FBXO25: variants seen among roughly 807,000 people sequenced by gnomAD.
FBXO25 encodes F-box only protein 25.
In FBXO25, 45 loss-of-function variants were observed where a neutral mutation model predicts 51.9. The observed-to-expected ratio is 0.87, with a 90% CI of 0.68 to 1.11. The LOEUF (loss-of-function observed/expected upper bound fraction) is 1.11. FBXO25 is among the 50% of genes most tolerant of loss of function. The pLI is 0.00. For missense variants in FBXO25, 507 were observed against 428.5 expected, an observed-to-expected ratio of 1.18 and a Z score of -1.62; for synonymous variants, 199 against 151.0, an observed-to-expected ratio of 1.32 and a Z score of -2.33.
At chr8:410,589 C>T (rs1244607994) in intron 1 of FBXO25, among the ~76,000 whole-genome samples, 1 of 152,132 alleles carries the variant, frequency 6.6e-6, no homozygotes, top group East Asian at 1.9e-4. Flanking sequence ...ATGGTCTTTG[C>T]TGCCTTTGGT....
intron 1 of FBXO25, among the ~76,000 whole-genome samples, chr8:409,626 G>C (rs920494246): frequency 6.6e-6 from 1 of 152,122 alleles, no homozygotes. Flanking sequence ...AAATAGGTAA[G>C]TACAATATTT....
chr8:416,440 A>T (rs188503351), intron 2 of FBXO25, among the ~76,000 whole-genome samples: 1 of 152,254 alleles, frequency 6.6e-6, no homozygotes, highest in Non-Finnish European at 1.5e-5. Context: ...CACCTGAGAT[A>T]TTCCGAACAG....
chr8:454,752 G>A (rs1011403390), intron 7 of FBXO25, among the ~76,000 whole-genome samples: 19 of 152,054 alleles, frequency 1.2e-4, no homozygotes, highest in Middle Eastern at 3.4e-3. Flanking sequence ...TTAGCCGGGC[G>A]TGGTGGGACG....
intron 5 of FBXO25, among the ~76,000 whole-genome samples, chr8:439,122 G>C (rs961786168): frequency 2.0e-5 from 3 of 152,258 alleles, no homozygotes; most frequent in African/African-American, 7.2e-5. Context: ...AAGCTGTCTG[G>C]AGGAAGTAGA....
chr8:465,765 G>A (rs1262751402), intron 9 of FBXO25, among the ~76,000 whole-genome samples: 3 of 152,318 alleles, frequency 2.0e-5, no homozygotes, highest in East Asian at 3.9e-4. Flanking sequence ...CTGCTCAAAA[G>A]TTTGGGATTT....
intron 9 of FBXO25, among the ~76,000 whole-genome samples, chr8:464,293 A>G (rs1053978568): frequency 3.3e-5 from 5 of 151,790 alleles, no homozygotes; most frequent in African/African-American, 4.8e-5. Flanking sequence ...ATATTATTTC[A>G]CCCTGGAGTG....
chr8:423,505 C>T (rs924222855), intron 2 of FBXO25, among the ~76,000 whole-genome samples: 1 of 151,994 alleles, frequency 6.6e-6, no homozygotes, highest in Non-Finnish European at 1.5e-5. Context: ...TCCATGTGTG[C>T]TCAGTGTTTA....
At chr8:443,061 T>C (rs1235828533) in intron 5 of FBXO25, among the ~76,000 whole-genome samples, 1 of 151,820 alleles carries the variant, frequency 6.6e-6, no homozygotes, top group East Asian at 1.9e-4. Flanking sequence ...CCATTTCCAT[T>C]GAAGGAAGTG....
At chr8:434,841 GA>G (rs1208779968) in intron 4 of FBXO25, among the ~76,000 whole-genome samples, 9 of 152,194 alleles carry the variant, frequency 5.9e-5, no homozygotes, top group African/African-American at 2.2e-4. Context: ...ACATCTAAGA[GA>G]ATAGCAGCAG....
chr8:436,093 T>A (rs1474676983), intron 5 of FBXO25, among the ~76,000 whole-genome samples: 5 of 152,232 alleles, frequency 3.3e-5, no homozygotes, highest in Admixed American at 2.6e-4. Context: ...TCACAAGGAA[T>A]GAGGCTTGTG....
intron 2 of FBXO25, among the ~76,000 whole-genome samples, chr8:420,962 A>G (rs1002832588): frequency 6.6e-6 from 1 of 152,232 alleles, no homozygotes; most frequent in Non-Finnish European, 1.5e-5. Context: ...ACAAACTGTG[A>G]CAGATGAATC....
intron 5 of FBXO25, among the ~76,000 whole-genome samples, chr8:448,672 G>C (rs1407847631): frequency 6.6e-6 from 1 of 152,234 alleles, no homozygotes; most frequent in Non-Finnish European, 1.5e-5. Context: ...AGCAGAGTGT[G>C]AGTGGAGGGC....
chr8:455,725 C>T (rs1799379181), intron 7 of FBXO25, among the ~76,000 whole-genome samples: 1 of 152,214 alleles, frequency 6.6e-6, no homozygotes, highest in South Asian at 2.1e-4. Flanking sequence ...ATCGTTTCTT[C>T]CTTCCAGTGC....
intron 5 of FBXO25, among the ~76,000 whole-genome samples, chr8:437,836 T>C (rs1178906339): frequency 2.0e-5 from 3 of 152,230 alleles, no homozygotes; most frequent in African/African-American, 4.8e-5. Flanking sequence ...TGGCAACACT[T>C]ACTACAACAA....
intron 5 of FBXO25, among the ~76,000 whole-genome samples, chr8:444,188 G>C (rs1472541315): frequency 1.3e-5 from 2 of 152,208 alleles, no homozygotes; most frequent in Non-Finnish European, 2.9e-5. Context: ...GGAACCCAAA[G>C]GCGAAGATTG....
At chr8:467,151 G>A (rs1189172490) in intron 9 of FBXO25, among the ~76,000 whole-genome samples, 3 of 152,130 alleles carry the variant, frequency 2.0e-5, no homozygotes, top group Non-Finnish European at 4.4e-5. Context: ...CTGAACCAGC[G>A]GGGGAGAACA....
intron 1 of FBXO25, chr8:407,447 G>A: frequency 2.0e-6 from 2 of 984,144 alleles, no homozygotes; most frequent in Non-Finnish European, 2.4e-6. Flanking sequence ...GGGTGTGGAG[G>A]GTTCATTCAG....
rs893979128 is a variant in FBXO25 at position 472,407 on chromosome 8, T to C, written c.*3603T>C. The C allele has an allele frequency of 1.3e-5, 2 of 152,254 alleles. No individual in the cohort carries two copies. The allele number at this position is 152,254 out of a possible 1,614,324, so 9.4% of individuals were successfully genotyped here. ...CTTGCATTCTTGGGTCAAAGCCCAC[T>C]AAGTCATGGTTTATGATACCTTTTA... On this transcript the variant is annotated 3_prime_UTR_variant, in exon 10 of 10. Transcript: ENST00000350302.
In FBXO25 at chr8:415,652, A is replaced by G. The variant is rs148959988; in HGVS notation, c.134+2439A>G. On this transcript the variant is annotated intron_variant, in intron 2 of 9. Transcript: ENST00000350302. Reference sequence around the variant, plus strand: ...CAGGATCAGTAAAAGAGTGAGTCACATATTGATTGGACTAGCCAAAAGGGT... The same window carrying G: ...CAGGATCAGTAAAAGAGTGAGTCACGTATTGATTGGACTAGCCAAAAGGGT... Among the ~76,000 whole-genome samples the G allele has an allele frequency of 9.5e-3, 1,444 of 152,292 alleles. 20 individuals carry two copies. Among genetic ancestry groups the G allele is most frequent in the African/African-American group, 0.033 (1,368 of 41,546 alleles).
Sources: gnomAD v4.1 joint callset for allele counts (sites outside exome capture counted in the v4.1 genomes callset) on GRCh38, gnomAD v4.1.1 for gene constraint, MANE v1.5 for transcripts, NCBI Gene and HGNC (gene_info 2026-07-23, HGNC 2026-07-21) for gene names.